The following CPNE8 variants were observed in gnomAD, a reference collection of about 807,000 sequenced individuals.
CPNE8 encodes copine 8.
CPNE8 carries 45 observed loss-of-function variants against 81.5 expected under a neutral mutation model. The observed-to-expected ratio is 0.55, with a 90% confidence interval of 0.44 to 0.71. The LOEUF is 0.71. CPNE8 is among the 30% of genes least tolerant of loss of function. The pLI is 0.00. For synonymous variants in CPNE8, 252 were observed against 226.3 expected (o/e 1.11, Z -1.02); for missense variants, 594 against 672.1 (o/e 0.88, Z 1.28).
chr12:38,655,241 C>T (rs771476464), intron 19 of CPNE8, among the ~76,000 whole-genome samples: 12 of 152,182 alleles, frequency 7.9e-5, no homozygotes, highest in East Asian at 1.9e-4. Context: ...ATGTGAGAGC[C>T]CTTATCGGCT....
At chr12:38,740,215 A>G (rs1288827694) in intron 10 of CPNE8, among the ~76,000 whole-genome samples, 1 of 152,186 alleles carries the variant, frequency 6.6e-6, no homozygotes, top group Admixed American at 6.5e-5. Flanking sequence ...TTATTGGTGT[A>G]TAAGAATGCT....
intron 10 of CPNE8, among the ~76,000 whole-genome samples, chr12:38,749,914 T>A (rs1324240598): frequency 6.6e-6 from 1 of 152,170 alleles, no homozygotes; most frequent in Non-Finnish European, 1.5e-5. Context: ...AGCCAAACGT[T>A]AATCCCCAAG....
intron 10 of CPNE8, among the ~76,000 whole-genome samples, chr12:38,752,535 C>T (rs372957531): frequency 1.5e-4 from 23 of 152,160 alleles, no homozygotes; most frequent in African/African-American, 5.6e-4. Flanking sequence ...CATTGTACAG[C>T]TCCCATCTAT....
intron 6 of CPNE8, among the ~76,000 whole-genome samples, chr12:38,811,756 T>C (rs569346190): frequency 1.1e-3 from 174 of 152,274 alleles, no homozygotes; most frequent in Admixed American, 2.7e-3. Flanking sequence ...CCTGTAGTCC[T>C]AGCTATTTGG....
chr12:38,696,893 C>G (rs1242823611), intron 14 of CPNE8, among the ~76,000 whole-genome samples: 1 of 151,932 alleles, frequency 6.6e-6, no homozygotes. Context: ...AAAAAACACA[C>G]AAATTAGCCA....
intron 6 of CPNE8, among the ~76,000 whole-genome samples, chr12:38,809,281 C>T (rs1285049733): frequency 2.6e-5 from 4 of 152,156 alleles, no homozygotes; most frequent in Non-Finnish European, 5.9e-5. Context: ...TGATAGCAAA[C>T]ATAATTTAAT....
intron 6 of CPNE8, among the ~76,000 whole-genome samples, chr12:38,817,915 G>A (rs865850311): frequency 3.9e-5 from 6 of 152,050 alleles, no homozygotes; most frequent in Admixed American, 1.3e-4. Flanking sequence ...GAGCCACTGC[G>A]CCTGGCCAAT....
chr12:38,747,273 C>G (rs114411497), intron 10 of CPNE8, among the ~76,000 whole-genome samples: 3,386 of 152,272 alleles, frequency 0.022, 123 homozygotes, highest in African/African-American at 0.077. Context: ...CTCTTTCACA[C>G]ACAGGTGAAG....
chr12:38,735,356 T>C (rs1418570994), intron 10 of CPNE8, among the ~76,000 whole-genome samples: 3 of 152,030 alleles, frequency 2.0e-5, no homozygotes, highest in African/African-American at 7.2e-5. Context: ...GAGGTTTAAA[T>C]CTGTATTTGT....
chr12:38,796,540 C>A (rs1215148107), intron 6 of CPNE8, among the ~76,000 whole-genome samples: 1 of 152,016 alleles, frequency 6.6e-6, no homozygotes, highest in Non-Finnish European at 1.5e-5. Flanking sequence ...AAAATAGTAT[C>A]AAGACTATAT....
At chr12:38,872,977 A>AT (rs770008571) in intron 3 of CPNE8, 27 bp downstream of exon 3, 28 of 1,340,002 alleles carry the variant, frequency 2.1e-5, no homozygotes, top group Non-Finnish European at 2.7e-5. Context: ...AAGCCCAGTG[A>AT]TTTTTTTAAA....
intron 10 of CPNE8, among the ~76,000 whole-genome samples, chr12:38,753,939 A>T (rs1158121359): frequency 4.6e-5 from 7 of 152,328 alleles, no homozygotes; most frequent in African/African-American, 1.7e-4. Context: ...GGGTCTTGGA[A>T]CATATTCCCC....
intron 19 of CPNE8, among the ~76,000 whole-genome samples, chr12:38,661,536 A>G (rs1462096211): frequency 6.6e-6 from 1 of 152,058 alleles, no homozygotes. Context: ...CAGCAAACCA[A>G]CATGGCACAT....
chr12:38,811,369 T>C (rs1471512408), intron 6 of CPNE8, among the ~76,000 whole-genome samples: 2 of 152,138 alleles, frequency 1.3e-5, no homozygotes, highest in Non-Finnish European at 2.9e-5. Flanking sequence ...GGCAAATCTA[T>C]TTGTAATTCA....
intron 7 of CPNE8, 124 bp downstream of exon 7, chr12:38,776,114 A>C (rs1941929454): frequency 7.4e-6 from 3 of 405,664 alleles, no homozygotes; most frequent in Non-Finnish European, 9.1e-6. Flanking sequence ...ATGATATTTT[A>C]TGGGTTATAA....
intron 6 of CPNE8, among the ~76,000 whole-genome samples, chr12:38,797,297 C>A (rs1368634327): frequency 6.6e-6 from 1 of 152,178 alleles, no homozygotes; most frequent in East Asian, 1.9e-4. Flanking sequence ...GGAGGCACCC[C>A]CCAGTAGGGG....
intron 6 of CPNE8, among the ~76,000 whole-genome samples, chr12:38,792,670 C>G (rs919792930): frequency 1.7e-4 from 26 of 151,720 alleles, no homozygotes; most frequent in African/African-American, 6.0e-4. Flanking sequence ...GAATTAGCAC[C>G]AGTCTTCCTG....
intron 6 of CPNE8, among the ~76,000 whole-genome samples, chr12:38,823,811 G>A (rs966336327): frequency 6.6e-6 from 1 of 152,110 alleles, no homozygotes; most frequent in East Asian, 1.9e-4. Flanking sequence ...ATCCATCACT[G>A]AGATCCCTAA....
intron 3 of CPNE8, among the ~76,000 whole-genome samples, chr12:38,864,451 A>C (rs1161507297): frequency 2.0e-5 from 3 of 152,160 alleles, no homozygotes; most frequent in African/African-American, 4.8e-5. Flanking sequence ...CCTGCCCTAG[A>C]AAATCCTAAA....
Sources: gnomAD v4.1 joint callset for allele counts (sites outside exome capture counted in the v4.1 genomes callset) on GRCh38, gnomAD v4.1.1 for gene constraint, MANE v1.5 for transcripts, NCBI Gene and HGNC (gene_info 2026-07-23, HGNC 2026-07-21) for gene names.